GCN1: variants seen among roughly 807,000 people sequenced by gnomAD.
GCN1 encodes the protein GCN1 activator of EIF2AK4.
In GCN1, 90 loss-of-function variants were observed where a neutral mutation model predicts 288.4. The observed-to-expected ratio is 0.31, with a 90% CI of 0.26 to 0.37. The LOEUF (loss-of-function observed/expected upper bound fraction) is 0.37. GCN1 is among the 10% of genes least tolerant of loss of function. GCN1 has a pLI of 1.00. For synonymous variants in GCN1, 1,386 were observed against 1,420.2 expected (o/e 0.98, Z 0.54); for missense variants, 2,586 against 3,419.9 (o/e 0.76, Z 6.08).
In GCN1 at chr12:120,131,256, C is replaced by T. The variant is rs1876809839; in HGVS notation, c.7492G>A (p.Gly2498Ser). 1.2e-6 allele frequency: 2 copies of T among 1,614,126 alleles called. No individual in the cohort carries two copies. Among genetic ancestry groups the T allele is most frequent in the Non-Finnish European group, 1.7e-6 (2 of 1,180,012 alleles). The change falls in exon 55 of 58, where the codon GGC (glycine) becomes AGC (serine). Residue 2498 changes from glycine to serine, a missense_variant. Coordinates refer to ENST00000300648, the MANE Select transcript of GCN1 (RefSeq NM_006836.2). ...CTATATCTGCCGGCACAAAGTCTGC[C>T]AGGAGCCACATTCACAGCCACGGAA... The part of the protein sequence containing the change: ...ALSVAVNVAP[G>S]RLCAGRYSSD...
rs1037739158 is a variant in GCN1, at chr12:120,137,075, G to A, written c.6777+131C>T. On this transcript the variant is annotated intron_variant, in intron 50 of 57. Transcript: ENST00000300648. This position sits in a 1 kb window ranked among gnomAD's most constrained non-coding sequence, Gnocchi z 5.2. Reference sequence around the variant, plus strand: ...CCATGGAAGAAAACATGCTGTCTGCGAAGGTGCTGAACACCAACCACCACG... The same window carrying A: ...CCATGGAAGAAAACATGCTGTCTGCAAAGGTGCTGAACACCAACCACCACG... 5 of 702,304 alleles carry A rather than the reference G, an allele frequency of 7.1e-6. No individual in the cohort carries two copies. Among genetic ancestry groups the A allele is most frequent in the Non-Finnish European group, 1.0e-5 (4 of 390,138 alleles). The allele number at this position is 702,304 out of a possible 1,614,324, so 43.5% of individuals were successfully genotyped here.
At chr12:120,131,653 G>A (rs529141581) in intron 54 of GCN1, among the ~76,000 whole-genome samples, 121 of 152,276 alleles carry the variant, frequency 7.9e-4, no homozygotes, top group African/African-American at 2.5e-3. Context: ...TCGCTCTGTC[G>A]CCCAGGCTAG....
intron 1 of GCN1, among the ~76,000 whole-genome samples, chr12:120,193,439 G>A (rs538498597): frequency 6.6e-6 from 1 of 152,066 alleles, no homozygotes; most frequent in Non-Finnish European, 1.5e-5. Flanking sequence ...CTGAGTAGCT[G>A]GAATTACAGA....
At position 120,137,686 on chromosome 12, in the gene GCN1, G is replaced by A; in HGVS notation, c.6522C>T (p.Ile2174=). The change falls in exon 49 of 58, where the codon ATC becomes ATT. Residue 2174 remains isoleucine (I), a synonymous_variant. Coordinates refer to ENST00000300648, the MANE Select transcript of GCN1 (RefSeq NM_006836.2). The surrounding 1 kb of genome is among the most constrained non-coding windows in gnomAD (Gnocchi z 5.2). The stretch of plus-strand genomic sequence containing the variant: ...TTGAGCGGGAACAGTAGATGTTGAG[G>A]ATGATGGCAGCAGCTTGCCTCATGC... ...EVGMRQAAAI[I]LNIYCSRSKA... The A allele has an allele frequency of 1.9e-6, 3 of 1,614,162 alleles. No individual in the cohort carries two copies. Among genetic ancestry groups the A allele is most frequent in the South Asian group, 2.2e-5 (2 of 91,078 alleles).
At chr12:120,161,157 CT>C (rs1473083627) in intron 22 of GCN1, among the ~76,000 whole-genome samples, 2 of 152,206 alleles carry the variant, frequency 1.3e-5, no homozygotes. Flanking sequence ...GGCGCTGTGC[CT>C]GCTATCAGGA....
At chr12:120,173,163 C>A (rs1566315114) in intron 14 of GCN1, among the ~76,000 whole-genome samples, 2 of 149,484 alleles carry the variant, frequency 1.3e-5, no homozygotes, top group Admixed American at 6.7e-5. Context: ...GGGTTCAATT[C>A]TCCCTGCCTC....
chr12:120,168,628 C>T (rs1433206989), intron 15 of GCN1, among the ~76,000 whole-genome samples: 1 of 152,210 alleles, frequency 6.6e-6, no homozygotes, highest in Non-Finnish European at 1.5e-5. Flanking sequence ...GCTGTTTGGA[C>T]TCACACTGGG....
intron 1 of GCN1, 136 bp from the exon 2 acceptor site, chr12:120,190,536 A>G: frequency 1.6e-6 from 1 of 635,492 alleles, no homozygotes; most frequent in Non-Finnish European, 2.8e-6. Flanking sequence ...GACATTTTGC[A>G]CCGGGTAATT....
chr12:120,159,933 C>T lies in GCN1; in HGVS notation c.2641G>A (p.Val881Ile). The change falls in exon 24 of 58, where the codon GTC becomes ATC. Residue 881 changes from valine to isoleucine, a missense_variant. Around this residue, in one of 8 missense-constraint regions of GCN1, gnomAD observed 913 missense variants for 1,107.0 expected, o/e 0.82. Coordinates refer to ENST00000300648, the MANE Select transcript of GCN1 (RefSeq NM_006836.2). ...SGLTQYIPVL[V>I]DSFLPLLKSP... is the part of the protein sequence containing the mutation. ...TTCAGCAAGGGCAGAAAAGAGTCGA[C>T]CAAAACAGGGATGTACTGGGTCAGG... is the stretch of plus-strand genomic sequence containing the variant. The T allele has an allele frequency of 1.9e-6, 3 of 1,614,160 alleles. No homozygotes were observed. The highest frequency in any genetic ancestry group is 3.3e-4 in the Middle Eastern group (2 of 6,062).
intron 22 of GCN1, 61 bp from the exon 23 acceptor site, chr12:120,160,316 A>C: frequency 8.6e-7 from 1 of 1,165,350 alleles, no homozygotes; most frequent in Non-Finnish European, 1.3e-6. Flanking sequence ...CCTCCCCAAC[A>C]GAGGAAGGTG....
chr12:120,175,906 CCAA>C, intron 10 of GCN1, 32 bp from the exon 11 acceptor site: 1 of 1,586,742 alleles, frequency 6.3e-7, no homozygotes, highest in Non-Finnish European at 8.6e-7. Context: ...TCAGAAGCAG[CCAA>C]CAACTGAGCA....
intron 42 of GCN1, among the ~76,000 whole-genome samples, chr12:120,143,506 C>A (rs1426482715): frequency 6.7e-6 from 1 of 149,930 alleles, no homozygotes; most frequent in Non-Finnish European, 1.5e-5. Flanking sequence ...TGCTTGAACC[C>A]GGGAGGCAGA....
intron 5 of GCN1, among the ~76,000 whole-genome samples, chr12:120,180,497 C>T (rs1337880095): frequency 1.3e-5 from 2 of 148,888 alleles, no homozygotes; most frequent in African/African-American, 5.0e-5. Context: ...CGCCTGTAGT[C>T]CCAGCTACTC....
At chr12:120,181,480 AAAAAAAG>A (rs1313768192) in intron 5 of GCN1, among the ~76,000 whole-genome samples, 4 of 150,788 alleles carry the variant, frequency 2.7e-5, no homozygotes, top group Non-Finnish European at 4.4e-5. Context: ...AAAAAAAAAA[AAAAAAAG>A]AAGTCTGCAG....
At chr12:120,186,672 T>C (rs1287439037) in intron 2 of GCN1, among the ~76,000 whole-genome samples, 1 of 152,064 alleles carries the variant, frequency 6.6e-6, no homozygotes, top group Non-Finnish European at 1.5e-5. Flanking sequence ...TTTCAGTAAC[T>C]GGGGAAAAAG....
At chr12:120,149,900 C>A in intron 35 of GCN1, 22 bp downstream of exon 35, 1 of 1,614,028 alleles carries the variant, frequency 6.2e-7, no homozygotes, top group Non-Finnish European at 8.5e-7. Flanking sequence ...ATGCTGTTCT[C>A]CCGAGCAGTC....
chr12:120,154,921 C>T, intron 31 of GCN1, 49 bp downstream of exon 31: 2 of 1,518,724 alleles, frequency 1.3e-6, no homozygotes, highest in Non-Finnish European at 1.8e-6. Flanking sequence ...AGCCAACCTG[C>T]CACATCTCAC....
chr12:120,183,665 G>A lies in GCN1; in HGVS notation c.330C>T (p.Gly110=), dbSNP rs1404159250. The A allele has an allele frequency of 1.2e-6, 2 of 1,608,582 alleles. No individual in the cohort carries two copies. The highest frequency in any genetic ancestry group is 2.7e-5 in the African/African-American group (2 of 74,792). ...SKAGVPSKSS[G]SAALLALTWT... is the part of the protein sequence containing the mutation. ...AGGTCAAGGCCAGCAAGGCGGCAGA[G>A]CCACTGCTCTTACTGCAGAGCAGAG... The change falls in exon 5 of 58, where the codon GGC becomes GGT. Residue 110 remains glycine, a synonymous_variant. Transcript: ENST00000300648.
intron 5 of GCN1, among the ~76,000 whole-genome samples, chr12:120,179,632 C>T (rs1056416673): frequency 1.3e-5 from 2 of 151,976 alleles, no homozygotes. Flanking sequence ...ATCTCCTGAC[C>T]TCATGATCCG....
Sources: allele counts gnomAD v4.1 joint callset (sites outside exome capture counted in the v4.1 genomes callset), GRCh38; gene constraint gnomAD v4.1.1; regional missense constraint gnomAD v4.1.1; non-coding constraint Gnocchi (gnomAD v3.1); transcripts MANE v1.5; gene names NCBI Gene and HGNC (gene_info 2026-07-23, HGNC 2026-07-21).